The following LRRC4C variants were observed in gnomAD, a reference collection of about 807,000 sequenced individuals.
LRRC4C encodes leucine rich repeat containing 4C.
In LRRC4C, 5 loss-of-function variants were observed where a neutral mutation model predicts 33.6. The ratio of observed to expected loss-of-function variants is 0.15; its 90% confidence interval spans 0.08 to 0.31. The LOEUF (loss-of-function observed/expected upper bound fraction) is 0.31. LRRC4C is among the 10% of genes least tolerant of loss of function. The pLI is 1.00. For missense variants in LRRC4C, 560 were observed against 796.7 expected, an observed-to-expected ratio of 0.70 and a Z score of 3.58; for synonymous variants, 329 against 302.0, an observed-to-expected ratio of 1.09 and a Z score of -0.93.
intron 5 of LRRC4C, among the ~76,000 whole-genome samples, chr11:40,153,514 A>G (rs1858399287): frequency 6.6e-6 from 1 of 152,188 alleles, no homozygotes; most frequent in East Asian, 1.9e-4. Flanking sequence ...AGAAAGGTGA[A>G]GCCCAATGCA....
intron 3 of LRRC4C, among the ~76,000 whole-genome samples, chr11:40,575,038 C>A (rs1958132527): frequency 6.6e-6 from 1 of 152,158 alleles, no homozygotes; most frequent in Admixed American, 6.5e-5. Context: ...CAAAGGAGAG[C>A]CTCAGCAGGT....
intron 4 of LRRC4C, among the ~76,000 whole-genome samples, chr11:40,242,394 T>A (rs1009749209): frequency 6.6e-6 from 1 of 152,144 alleles, no homozygotes; most frequent in African/African-American, 2.4e-5. Context: ...GAGTTTTATG[T>A]TTTTCCCCTT....
chr11:41,188,528 T>C (rs1383851569), intron 1 of LRRC4C, among the ~76,000 whole-genome samples: 6 of 151,998 alleles, frequency 3.9e-5, no homozygotes, highest in African/African-American at 1.2e-4. Flanking sequence ...TATGTACAAA[T>C]TTTCTTATCC....
chr11:40,551,659 T>C (rs1957131542), intron 3 of LRRC4C, among the ~76,000 whole-genome samples: 1 of 152,170 alleles, frequency 6.6e-6, no homozygotes, highest in South Asian at 2.1e-4. Context: ...CATTGTAAAT[T>C]ACCATTTAAT....
At chr11:41,408,756 A>AAAAAAAAACAAAC (rs57539708) in intron 1 of LRRC4C, among the ~76,000 whole-genome samples, 1,641 of 140,750 alleles carry the variant, frequency 0.012, 30 homozygotes, top group African/African-American at 0.05. Context: ...GTAAAAAAAA[A>AAAAAAAAACAAAC]AAAAAAAAAA....
chr11:41,322,093 G>GGCCTCAGGTGATCTGCCC (rs1950976213), intron 1 of LRRC4C, among the ~76,000 whole-genome samples: 1 of 151,946 alleles, frequency 6.6e-6, no homozygotes, highest in Admixed American at 6.6e-5. Flanking sequence ...TGGAACTCCT[G>GGCCTCAGGTGATCTGCCC]GCCTCAGGTG....
chr11:41,025,556 C>T (rs1248642932), intron 1 of LRRC4C, among the ~76,000 whole-genome samples: 3 of 151,254 alleles, frequency 2.0e-5, no homozygotes, highest in African/African-American at 7.3e-5. Context: ...AGAAGAAAAG[C>T]TTGAAGCTAG....
At chr11:41,014,983 C>A (rs945840723) in intron 1 of LRRC4C, among the ~76,000 whole-genome samples, 8 of 152,142 alleles carry the variant, frequency 5.3e-5, no homozygotes, top group Non-Finnish European at 1.5e-5. Context: ...CAAAAGATTA[C>A]GAGCAATTTA....
At chr11:41,267,012 C>T (rs1949172398) in intron 1 of LRRC4C, among the ~76,000 whole-genome samples, 1 of 152,160 alleles carries the variant, frequency 6.6e-6, no homozygotes, top group African/African-American at 2.4e-5. Context: ...CTCACAAAGG[C>T]TAATCCACTC....
chr11:41,004,358 T>C (rs1592312182), intron 1 of LRRC4C, among the ~76,000 whole-genome samples: 1 of 152,290 alleles, frequency 6.6e-6, no homozygotes, highest in East Asian at 1.9e-4. Context: ...CTGTCTTTTT[T>C]TGGTTGGTAG....
At chr11:40,274,424 T>TACACACACACAC (rs56027023) in intron 4 of LRRC4C, among the ~76,000 whole-genome samples, 2,215 of 139,018 alleles carry the variant, frequency 0.016, 59 homozygotes, top group East Asian at 0.082. Flanking sequence ...GACACACACA[T>TACACACACACAC]ACACACACAC....
Position 41,000,317 on chromosome 11 carries a change from A to G in LRRC4C, c.-495-66594T>C, listed in dbSNP as rs190524346. ...GAAAAGATTTTGAAAGGCTTACAGG[A>G]AGGGAGAAAATATGTTATAATCCAT... On this transcript the variant is annotated intron_variant, in intron 1 of 6. Coordinates refer to ENST00000528697, the MANE Select transcript of LRRC4C (RefSeq NM_001258419.2). Among the ~76,000 whole-genome samples, 3 of 152,276 alleles carry G rather than the reference A, an allele frequency of 2.0e-5. No individual in the cohort carries two copies. In the East Asian group the frequency reaches 5.8e-4, roughly 29 times the overall value.
chr11:40,775,278 C>G (rs1173586707), intron 2 of LRRC4C, among the ~76,000 whole-genome samples: 1 of 152,002 alleles, frequency 6.6e-6, no homozygotes, highest in East Asian at 1.9e-4. Flanking sequence ...GGCGTGGTGG[C>G]TGGCGCCTGT....
chr11:41,004,418 C>T (rs1270710639), intron 1 of LRRC4C, among the ~76,000 whole-genome samples: 1 of 152,136 alleles, frequency 6.6e-6, no homozygotes, highest in African/African-American at 2.4e-5. Flanking sequence ...TGCCCTGTCA[C>T]ACCACCATGC....
rs368602429 is a variant in LRRC4C at position 40,520,636 on chromosome 11, G to A, written c.-270+127506C>T. Among the ~76,000 whole-genome samples, 37 of 152,150 alleles carry A rather than the reference G, an allele frequency of 2.4e-4. No individual in the cohort carries two copies. In the South Asian group the frequency reaches 7.7e-3, roughly 32 times the overall value. ...AATATCTAAGATCAGTACTCTAAGA[G>A]CACCATAACAGATATAATGAAAAAT... On this transcript the variant is annotated intron_variant, in intron 3 of 6. Transcript: ENST00000528697.
At chr11:40,459,965 A>G (rs1952315686) in intron 3 of LRRC4C, among the ~76,000 whole-genome samples, 1 of 152,196 alleles carries the variant, frequency 6.6e-6, no homozygotes. Context: ...AAAGCCTTTC[A>G]CTATCTTTGG....
chr11:41,403,975 T>A (rs1239965206), intron 1 of LRRC4C, among the ~76,000 whole-genome samples: 2 of 151,994 alleles, frequency 1.3e-5, no homozygotes, highest in Non-Finnish European at 2.9e-5. Flanking sequence ...ACATACACAA[T>A]GGCAATGACC....
At chr11:40,194,981 C>T (rs1862144420) in intron 5 of LRRC4C, among the ~76,000 whole-genome samples, 1 of 151,828 alleles carries the variant, frequency 6.6e-6, no homozygotes, top group Non-Finnish European at 1.5e-5. Context: ...GTCCCAGCTA[C>T]TCCGGAGGCT....
At chr11:40,791,861 G>A (rs1040118360) in intron 2 of LRRC4C, among the ~76,000 whole-genome samples, 1 of 152,102 alleles carries the variant, frequency 6.6e-6, no homozygotes, top group Admixed American at 6.5e-5. Flanking sequence ...ATATTTAAAT[G>A]GAAGGAGGTG....
Sources: allele counts gnomAD v4.1 joint callset (sites outside exome capture counted in the v4.1 genomes callset), GRCh38; gene constraint gnomAD v4.1.1; transcripts MANE v1.5; gene names NCBI Gene and HGNC (gene_info 2026-07-23, HGNC 2026-07-21).